CSMD1: variants seen among roughly 807,000 people sequenced by gnomAD.
The protein encoded by CSMD1 is CUB and Sushi multiple domains 1, also known as CUB and sushi domain-containing protein 1.
A neutral mutation model predicts 417.5 loss-of-function variants in CSMD1; 213 were observed. That is an observed-to-expected ratio of 0.51 (90% CI 0.46 to 0.57). The LOEUF (loss-of-function observed/expected upper bound fraction) is 0.57, where lower values mean the gene tolerates loss of function less well. Among genes scored for constraint, CSMD1 ranks in the 20% least tolerant of loss-of-function variants. The pLI, the probability that CSMD1 is intolerant of heterozygous loss-of-function variation, is 0.00. For missense variants in CSMD1, 6,923 were observed against 4,529.7 expected, an observed-to-expected ratio of 1.53 and a Z score of -15.17; for synonymous variants, 2,862 against 1,736.8, an observed-to-expected ratio of 1.65 and a Z score of -16.11.
intron 5 of CSMD1, among the ~76,000 whole-genome samples, chr8:3,824,474 G>C (rs185331378): frequency 6.6e-6 from 1 of 152,100 alleles, no homozygotes; most frequent in Non-Finnish European, 1.5e-5. Flanking sequence ...CCTAAGTGCC[G>C]TACCTCATAC....
intron 32 of CSMD1, among the ~76,000 whole-genome samples, chr8:3,201,268 G>A (rs999718029): frequency 3.3e-5 from 5 of 152,098 alleles, no homozygotes; most frequent in African/African-American, 7.2e-5. Context: ...AATGTTAATC[G>A]TTTTTATCTC....
chr8:4,637,221 C>A (rs1802874548), intron 2 of CSMD1, 121 bp downstream of exon 2: 1 of 794,132 alleles, frequency 1.3e-6, no homozygotes, highest in Non-Finnish European at 2.0e-6. Flanking sequence ...TCAGCGAGGC[C>A]ACGAACCCAC....
At chr8:3,483,751 G>C (rs184342436) in intron 11 of CSMD1, among the ~76,000 whole-genome samples, 2 of 152,142 alleles carry the variant, frequency 1.3e-5, no homozygotes, top group East Asian at 1.9e-4. Context: ...CAAAATATTA[G>C]AAAACTGAAT....
intron 5 of CSMD1, among the ~76,000 whole-genome samples, chr8:3,822,209 A>G (rs1455507612): frequency 6.6e-6 from 1 of 152,144 alleles, no homozygotes; most frequent in Non-Finnish European, 1.5e-5. Context: ...TTCCTTGACT[A>G]GACACTCTGC....
chr8:4,342,264 T>C (rs1800524351), intron 3 of CSMD1, among the ~76,000 whole-genome samples: 1 of 151,046 alleles, frequency 6.6e-6, no homozygotes, highest in Non-Finnish European at 1.5e-5. Flanking sequence ...TGTATGTGTG[T>C]GTGTAGAGGG....
intron 26 of CSMD1, among the ~76,000 whole-genome samples, chr8:3,238,725 G>C (rs184414298): frequency 6.6e-6 from 1 of 152,302 alleles, no homozygotes; most frequent in Admixed American, 6.5e-5. Context: ...AAGGGACTAA[G>C]AATTGGGACC....
chr8:4,369,019 T>C (rs1802252112), intron 3 of CSMD1, among the ~76,000 whole-genome samples: 1 of 152,136 alleles, frequency 6.6e-6, no homozygotes, highest in South Asian at 2.1e-4. Context: ...GTTTTTCTAG[T>C]TCCTCTAGGT....
chr8:3,786,089 G>C (rs1799442929), intron 5 of CSMD1, among the ~76,000 whole-genome samples: 1 of 152,138 alleles, frequency 6.6e-6, no homozygotes, highest in Non-Finnish European at 1.5e-5. Flanking sequence ...TTGAAAGACT[G>C]GGTGTGAGGC....
At chr8:3,472,379 T>A (rs1817157296) in intron 11 of CSMD1, among the ~76,000 whole-genome samples, 1 of 152,156 alleles carries the variant, frequency 6.6e-6, no homozygotes, top group Admixed American at 6.5e-5. Context: ...CCTCTACTAA[T>A]GATTTTGTCA....
intron 3 of CSMD1, among the ~76,000 whole-genome samples, chr8:4,212,580 C>G (rs570767238): frequency 7.9e-5 from 12 of 151,824 alleles, no homozygotes; most frequent in African/African-American, 2.9e-4. Flanking sequence ...TGATCAAGGC[C>G]TGACATTGTC....
At chr8:4,865,637 A>G (rs1011600544) in intron 1 of CSMD1, among the ~76,000 whole-genome samples, 2 of 151,910 alleles carry the variant, frequency 1.3e-5, no homozygotes, top group African/African-American at 4.8e-5. Context: ...ATCTAAGTAC[A>G]ATGCACTTCA....
intron 1 of CSMD1, among the ~76,000 whole-genome samples, chr8:4,829,570 T>A (rs1034517403): frequency 2.7e-4 from 41 of 151,936 alleles, no homozygotes; most frequent in African/African-American, 9.9e-4. Flanking sequence ...GGCAACCTCA[T>A]CTTTATAGAA....
chr8:4,196,866 C>T (rs1293282419), intron 3 of CSMD1, among the ~76,000 whole-genome samples: 3 of 152,162 alleles, frequency 2.0e-5, no homozygotes, highest in African/African-American at 7.2e-5. Context: ...TCATAGAAAA[C>T]ATATAGTGAA....
At chr8:4,884,114 T>G (rs1803577015) in intron 1 of CSMD1, among the ~76,000 whole-genome samples, 1 of 152,088 alleles carries the variant, frequency 6.6e-6, no homozygotes, top group South Asian at 2.1e-4. Context: ...GAAGGTGATC[T>G]GTCTACTTTA....
intron 5 of CSMD1, among the ~76,000 whole-genome samples, chr8:3,861,903 C>T (rs750841593): frequency 1.3e-5 from 2 of 152,114 alleles, no homozygotes; most frequent in Non-Finnish European, 2.9e-5. Context: ...ATCCAACATG[C>T]CTGCATTCCA....
intron 1 of CSMD1, among the ~76,000 whole-genome samples, chr8:4,921,629 G>A (rs1329972948): frequency 6.6e-6 from 1 of 152,112 alleles, no homozygotes; most frequent in East Asian, 1.9e-4. Flanking sequence ...GATAATGGAA[G>A]GATAACCAAC....
intron 5 of CSMD1, among the ~76,000 whole-genome samples, chr8:3,972,743 C>G (rs1313537364): frequency 6.6e-6 from 1 of 152,112 alleles, no homozygotes; most frequent in Non-Finnish European, 1.5e-5. Flanking sequence ...ACAGCACCAG[C>G]TAAAAGCATT....
intron 50 of CSMD1, among the ~76,000 whole-genome samples, chr8:3,044,318 T>C (rs999223902): frequency 6.6e-6 from 1 of 152,146 alleles, no homozygotes; most frequent in Non-Finnish European, 1.5e-5. Flanking sequence ...GGTGATTGCA[T>C]TCTAACTTTT....
At chr8:4,957,600 C>G (rs988974001) in intron 1 of CSMD1, among the ~76,000 whole-genome samples, 1 of 152,122 alleles carries the variant, frequency 6.6e-6, no homozygotes, top group Non-Finnish European at 1.5e-5. Flanking sequence ...GAAAGATCCT[C>G]ATATGAAAGA....
Sources: gnomAD v4.1 joint callset for allele counts (sites outside exome capture counted in the v4.1 genomes callset) on GRCh38, gnomAD v4.1.1 for gene constraint, MANE v1.5 for transcripts, NCBI Gene and HGNC (gene_info 2026-07-23, HGNC 2026-07-21) for gene names.